The following COL17A1 variants were observed in gnomAD, a reference collection of about 807,000 sequenced individuals.
COL17A1 encodes collagen type XVII alpha 1 chain.
COL17A1 carries 181 observed loss-of-function variants against 218.4 expected under a neutral mutation model. The observed-to-expected ratio is 0.83, with a 90% confidence interval of 0.73 to 0.94. COL17A1 has a LOEUF of 0.94. Among genes scored for constraint, COL17A1 ranks in the 40% least tolerant of loss-of-function variants. COL17A1 has a pLI of 0.00. For synonymous variants in COL17A1, 721 were observed against 731.0 expected (o/e 0.99, Z 0.22); for missense variants, 1,924 against 1,945.9 (o/e 0.99, Z 0.21).
chr10:104,077,699 T>TTTTTGTTTTG (rs57572186), intron 3 of COL17A1, among the ~76,000 whole-genome samples, 173 bp from the exon 4 acceptor site: 7 of 151,446 alleles, frequency 4.6e-5, no homozygotes, highest in African/African-American at 1.7e-4. Context: ...TTTCGTTGGT[T>TTTTTGTTTTG]TTTTGTTTTG....
intron 1 of COL17A1, among the ~76,000 whole-genome samples, chr10:104,081,095 A>G (rs1485005202): frequency 6.6e-6 from 1 of 152,204 alleles, no homozygotes; most frequent in Non-Finnish European, 1.5e-5. Flanking sequence ...GTCTCCCATA[A>G]TGTTCAATGT....
intron 27 of COL17A1, 58 bp downstream of exon 27, chr10:104,050,563 T>C (rs2086458783): frequency 6.2e-7 from 1 of 1,612,360 alleles, no homozygotes; most frequent in Non-Finnish European, 8.5e-7. Context: ...GGGTCCCATC[T>C]GGGCTCCCAG....
At chr10:104,065,116 C>T (rs1329905848) in intron 9 of COL17A1, among the ~76,000 whole-genome samples, 8 of 152,344 alleles carry the variant, frequency 5.3e-5, no homozygotes, top group African/African-American at 1.7e-4. Flanking sequence ...GTTCCACCCT[C>T]CTTAAACATT....
At chr10:104,080,293 TTC>T (rs1255732672) in intron 2 of COL17A1, among the ~76,000 whole-genome samples, 1 of 152,244 alleles carries the variant, frequency 6.6e-6, no homozygotes, top group Non-Finnish European at 1.5e-5. Flanking sequence ...TCGTTTAGAT[TTC>T]TGTTGCCCTG....
rs2134635436 is a variant in COL17A1, at chr10:104,064,597, C to A, written c.608-1G>T. The A allele has an allele frequency of 6.2e-7, 1 of 1,612,002 alleles. No homozygotes were observed. The highest frequency in any genetic ancestry group is 1.7e-5 in the Admixed American group (1 of 59,796). On this transcript the variant is annotated splice_acceptor_variant, in intron 9 of 55. Coordinates refer to ENST00000648076, the MANE Select transcript of COL17A1 (RefSeq NM_000494.4). LOFTEE classifies it high-confidence loss of function. ...ATCGTTGCATCGTAGGTGCCTGACACTGGAAACAGACACATGCACACACCC... is the reference window on the plus strand; with the variant it reads ...ATCGTTGCATCGTAGGTGCCTGACAATGGAAACAGACACATGCACACACCC...
At chr10:104,051,926 T>A (rs1363088834) in intron 24 of COL17A1, among the ~76,000 whole-genome samples, 1 of 152,034 alleles carries the variant, frequency 6.6e-6, no homozygotes, top group African/African-American at 2.4e-5. Flanking sequence ...TGAAGAGAGA[T>A]GGAAACATGG....
intron 1 of COL17A1, among the ~76,000 whole-genome samples, chr10:104,085,220 T>C (rs1055441934): frequency 1.3e-5 from 2 of 152,218 alleles, no homozygotes; most frequent in Non-Finnish European, 2.9e-5. Context: ...ATGTTTACCA[T>C]GTATGGCTTA....
At chr10:104,073,335 G>A (rs1288251654) in intron 6 of COL17A1, 90 bp from the exon 7 acceptor site, 2 of 1,171,142 alleles carry the variant, frequency 1.7e-6, no homozygotes, top group East Asian at 4.7e-5. Context: ...TTGGGGAGGG[G>A]TTACTTTCAT....
Position 104,057,110 on chromosome 10 carries a change from CGCCACCAACACCGCCACCTCCTCCACT to C in COL17A1, c.1303_1329del (p.Ser435_Gly443del), listed in dbSNP as rs566545663. On this transcript the variant is annotated inframe_deletion, in exon 17 of 56. Transcript: ENST00000648076. Reference sequence around the variant, plus strand: ...GCTGGTCCCCAAGGGCCGCCGCCAGCGCCACCAACACCGCCACCTCCTCCACTGCCACCACCACCACTGCTGCCGTAG... The same window carrying C: ...GCTGGTCCCCAAGGGCCGCCGCCAGCGCCACCACCACCACTGCTGCCGTAG... The C allele has an allele frequency of 3.4e-3, 5,495 of 1,613,124 alleles. 177 individuals are homozygous for C. The African/African-American group carries it at 0.067, about 20-fold the overall frequency.
intron 47 of COL17A1, 134 bp downstream of exon 47, chr10:104,036,911 G>T: frequency 2.2e-6 from 2 of 905,150 alleles, no homozygotes; most frequent in Non-Finnish European, 3.6e-6. Context: ...GCAGTAAGTG[G>T]CTCTTTGTCC....
chr10:104,036,489 TACTC>T lies in COL17A1; in HGVS notation c.3417_3418+2del. On this transcript the variant is annotated splice_donor_variant and coding_sequence_variant, in exon 48 of 56. Transcript: ENST00000648076. LOFTEE classifies it high-confidence loss of function. ...CCCAACCACCCCTCCTGCAGACACTTACTCGACATGTAGCTGAGAATGCGACTAC... is the reference window on the plus strand; with the variant it reads ...CCCAACCACCCCTCCTGCAGACACTTGACATGTAGCTGAGAATGCGACTAC... 4 of 1,613,838 alleles carry T rather than the reference TACTC, an allele frequency of 2.5e-6. No individual in the cohort carries two copies. In the South Asian group the frequency reaches 4.4e-5, roughly 18 times the overall value.
At position 104,032,138 on chromosome 10, in the gene COL17A1, C is replaced by G; in HGVS notation, c.*97G>C. ...GGTTGGCTGTGCTGTCTCAGTAGGA[C>G]ATTGACAGACTCCAGCTTTCACCCT... On this transcript the variant is annotated 3_prime_UTR_variant, in exon 56 of 56. Coordinates refer to ENST00000648076, the MANE Select transcript of COL17A1 (RefSeq NM_000494.4). The G allele has an allele frequency of 5.4e-6, 5 of 922,226 alleles. No homozygotes were observed. The South Asian group carries it at 6.7e-5, about 12-fold the overall frequency. 57.1% of individuals were successfully genotyped at this position (922,226 alleles called of 1,614,324 possible). A position where few individuals can be genotyped will look rare whatever the true frequency, so the allele number is the denominator to read the frequency against.
chr10:104,080,001 A>G (rs954740715), intron 2 of COL17A1, among the ~76,000 whole-genome samples: 3 of 151,940 alleles, frequency 2.0e-5, no homozygotes, highest in African/African-American at 7.3e-5. Flanking sequence ...TTCAGCTTTC[A>G]TTGTATAGAA....
chr10:104,050,908 G>A lies in COL17A1; in HGVS notation c.2039-7C>T, dbSNP rs759265997. The A allele has an allele frequency of 1.4e-5, 22 of 1,614,004 alleles. No individual in the cohort carries two copies. The highest frequency in any genetic ancestry group is 9.9e-5 in the South Asian group (9 of 91,088). ...CCTTGGAGACCTACAGGACCTGCCC[G>A]GCAGAAGAAACCATGCACACAGATG... On this transcript the variant is annotated splice_region_variant and splice_polypyrimidine_tract_variant and intron_variant, in intron 25 of 55. Coordinates refer to ENST00000648076, the MANE Select transcript of COL17A1 (RefSeq NM_000494.4).
chr10:104,079,391 G>A (rs1319337975), intron 2 of COL17A1, among the ~76,000 whole-genome samples: 3 of 150,952 alleles, frequency 2.0e-5, no homozygotes, highest in African/African-American at 4.9e-5. Flanking sequence ...GTGCATGTAT[G>A]TGTGTGTGTG....
At chr10:104,052,969 G>T (rs2086484842) in intron 23 of COL17A1, 62 bp downstream of exon 23, 9 of 1,573,790 alleles carry the variant, frequency 5.7e-6, no homozygotes, top group Middle Eastern at 1.7e-4. Flanking sequence ...AGGGACGGGT[G>T]TTGACAGAGA....
At chr10:104,039,156 T>A (rs2086332655) in intron 43 of COL17A1, 35 bp from the exon 44 acceptor site, 2 of 1,610,284 alleles carry the variant, frequency 1.2e-6, no homozygotes, top group African/African-American at 2.7e-5. Context: ...CCTCACCTCC[T>A]CCAGGAAGCC....
chr10:104,062,920 C>T (rs149595220), intron 11 of COL17A1, among the ~76,000 whole-genome samples: 8 of 152,320 alleles, frequency 5.3e-5, no homozygotes, highest in African/African-American at 1.7e-4. Context: ...ATTTAGGGCA[C>T]AATATCAAGG....
At chr10:104,082,354 A>G (rs1000483537) in intron 1 of COL17A1, among the ~76,000 whole-genome samples, 1 of 152,232 alleles carries the variant, frequency 6.6e-6, no homozygotes, top group African/African-American at 2.4e-5. Flanking sequence ...CCTACGTGCA[A>G]CTGGACACCT....
Sources: gnomAD v4.1 joint callset for allele counts (sites outside exome capture counted in the v4.1 genomes callset) on GRCh38, gnomAD v4.1.1 for gene constraint, MANE v1.5 for transcripts, NCBI Gene and HGNC (gene_info 2026-07-23, HGNC 2026-07-21) for gene names.